Variants in ITGA11 observed in about 807,000 individuals in gnomAD.
ITGA11 encodes the protein integrin alpha-11.
A neutral mutation model predicts 141.9 loss-of-function variants in ITGA11; 97 were observed. The observed-to-expected ratio is 0.68, with a 90% CI of 0.58 to 0.81. ITGA11 has a LOEUF of 0.81. ITGA11 is among the 30% of genes least tolerant of loss of function. The probability of loss-of-function intolerance (pLI) is 0.00; values close to 1 mark genes in which losing one functional copy is unlikely to be tolerated. For missense variants in ITGA11, 1,387 were observed against 1,559.2 expected (o/e 0.89, Z 1.86); for synonymous variants, 658 against 624.6 (o/e 1.05, Z -0.80).
At position 68,308,568 on chromosome 15, in the gene ITGA11, C is replaced by T. The variant is rs1301240725; in HGVS notation, c.3175-872G>A. Among the ~76,000 whole-genome samples the T allele has an allele frequency of 2.0e-5, 3 of 151,984 alleles. No homozygotes were observed. The highest frequency in any genetic ancestry group is 6.6e-5 in the Admixed American group (1 of 15,242). On this transcript the variant is annotated intron_variant, in intron 26 of 29. Transcript: ENST00000315757. The surrounding 1 kb of genome is among the most constrained non-coding windows in gnomAD (Gnocchi z 5.2). ...CATCCTGGCTAACACAGTGAAACCC[C>T]GTCTCTATTAAAAAAATACAAAAAA...
At chr15:68,419,026 A>G (rs1896955671) in intron 1 of ITGA11, among the ~76,000 whole-genome samples, 1 of 152,064 alleles carries the variant, frequency 6.6e-6, no homozygotes, top group Non-Finnish European at 1.5e-5. Context: ...GCAAACTAAA[A>G]AAAGGAATTG....
At chr15:68,364,846 T>C in intron 3 of ITGA11, 48 bp from the exon 4 acceptor site, 1 of 1,555,288 alleles carries the variant, frequency 6.4e-7, no homozygotes, top group Non-Finnish European at 8.9e-7. Flanking sequence ...CTGCCCGCCC[T>C]CTGCCCAGAG....
chr15:68,387,838 G>A (rs28632038), intron 2 of ITGA11, among the ~76,000 whole-genome samples: 12,128 of 151,870 alleles, frequency 0.08, 949 homozygotes, highest in African/African-American at 0.2. Flanking sequence ...TTCTGCCCCC[G>A]GACACAGCAC....
intron 1 of ITGA11, among the ~76,000 whole-genome samples, chr15:68,431,223 G>A (rs1897262829): frequency 6.6e-6 from 1 of 152,234 alleles, no homozygotes; most frequent in South Asian, 2.1e-4. Context: ...GCGCCCCTCG[G>A]GCCGGAGGTT....
At position 68,311,054 on chromosome 15, in the gene ITGA11, G is replaced by A. The variant is rs201394870; in HGVS notation, c.3114C>T (p.Gly1038=). The A allele has an allele frequency of 2.5e-6, 4 of 1,608,108 alleles. No homozygotes were observed. Among genetic ancestry groups the A allele is most frequent in the Non-Finnish European group, 8.5e-7 (1 of 1,177,240 alleles). Residue 1038 remains glycine, a synonymous_variant, in exon 26 of 30, where the codon GGC becomes GGT. Coordinates refer to ENST00000315757, the MANE Select transcript of ITGA11 (RefSeq NM_001004439.2). The part of the protein sequence containing the change: ...DEANTSCNIW[G]NSTEYRPTPV... ...GGGTGGGCCGGTACTCAGTGCTATT[G>A]CCCCAGATGTTACAGGACGTGTTCG...
At chr15:68,364,909 G>C (rs1895369166) in intron 3 of ITGA11, 111 bp from the exon 4 acceptor site, 1 of 1,052,392 alleles carries the variant, frequency 9.5e-7, no homozygotes, top group Admixed American at 2.0e-5. Flanking sequence ...CCTGACCCTG[G>C]GGACCTCTGG....
chr15:68,303,075 G>T lies in ITGA11; in HGVS notation c.3551C>A (p.Pro1184His), dbSNP rs996887406. Residue 1184 changes from proline to histidine, a missense_variant, in exon 30 of 30, where the codon CCC (proline) becomes CAC (histidine). Transcript: ENST00000315757. The surrounding 1 kb of genome is among the most constrained non-coding windows in gnomAD (Gnocchi z 5.3). ...RRREPGLDPT[P>H]KVLE is the part of the protein sequence containing the mutation. The stretch of plus-strand genomic sequence containing the variant: ...TCTGGAGCCTCACTCCAGCACTTTG[G>T]GGGTGGGGTCCAGACCAGGCTCCCT... 1.3e-6 allele frequency: 2 copies of T among 1,550,128 alleles called. No homozygotes were observed. Among genetic ancestry groups the T allele is most frequent in the South Asian group, 1.2e-5 (1 of 83,928 alleles).
At position 68,326,718 on chromosome 15, in the gene ITGA11, G is replaced by T. The variant is rs903934215; in HGVS notation, c.2147C>A (p.Thr716Asn). 2 of 1,585,380 alleles carry T rather than the reference G, an allele frequency of 1.3e-6. No individual in the cohort carries two copies. ...AHLDEGGDRF[T>N]NRAVLLSSGQ... ...GGAGGAGAGCAGTACGGCTCTGTTG[G>T]TGAATCGGTCCCCGCCCTCGTCCAG... The change falls in exon 17 of 30, where the codon ACC becomes AAC. Residue 716 changes from threonine to asparagine, a missense_variant. Thr to Asn is a moderately conservative substitution (Grantham distance 65, BLOSUM62 0). Coordinates refer to ENST00000315757, the MANE Select transcript of ITGA11 (RefSeq NM_001004439.2). The surrounding 1 kb of genome is among the most constrained non-coding windows in gnomAD (Gnocchi z 6.8).
Position 68,303,811 on chromosome 15 carries a change from GC to G in ITGA11, c.3455del (p.Gly1152AlafsTer46). 1.2e-6 allele frequency: 2 copies of G among 1,612,900 alleles called. No homozygotes were observed. Among genetic ancestry groups the G allele is most frequent in the East Asian group, 2.2e-5 (1 of 44,810 alleles). Reference protein sequence around the residue: ...IWIIVGSTLGGLLLLALLVLA... With the variant: ...IWIIVGSTLGXLLLLALLVLA... ...GGACCAGCAGGGCCAGCAGTAGGAG[GC>G]CCCCCAGGGTGCTGCCTACAATGAT... On this transcript the variant is annotated frameshift_variant, in exon 29 of 30. Transcript: ENST00000315757. LOFTEE classifies it high-confidence loss of function. The surrounding 1 kb of genome is among the most constrained non-coding windows in gnomAD (Gnocchi z 5.3).
In ITGA11 at chr15:68,300,378, A is replaced by T. The variant is rs1381699359; in HGVS notation, c.*2681T>A. 5 of 152,234 alleles carry T rather than the reference A, an allele frequency of 3.3e-5. No individual in the cohort carries two copies. The highest frequency in any genetic ancestry group is 9.6e-5 in the African/African-American group (4 of 41,468). 9.4% of individuals were successfully genotyped at this position (152,234 alleles called of 1,614,324 possible). A position where few individuals can be genotyped will look rare whatever the true frequency, so the allele number is the denominator to read the frequency against. ...TCTCAGCCATTAGAGTCATCTGGGG[A>T]AGTTGGAAACAAACTTGGCCCCTCT... is the stretch of plus-strand genomic sequence containing the variant. On this transcript the variant is annotated 3_prime_UTR_variant, in exon 30 of 30. Transcript: ENST00000315757.
chr15:68,361,141 G>A (rs1895231034), intron 5 of ITGA11, among the ~76,000 whole-genome samples: 2 of 152,130 alleles, frequency 1.3e-5, no homozygotes, highest in African/African-American at 4.8e-5. Context: ...TGATTTGGTG[G>A]AACTACTACC....
At chr15:68,330,842 G>C in intron 15 of ITGA11, 139 bp downstream of exon 15, 1 of 891,674 alleles carries the variant, frequency 1.1e-6, no homozygotes. Flanking sequence ...GTGTAAGCAA[G>C]ATGGGATAAG....
intron 1 of ITGA11, among the ~76,000 whole-genome samples, chr15:68,405,020 G>T (rs1009240878): frequency 6.6e-6 from 1 of 152,218 alleles, no homozygotes; most frequent in African/African-American, 2.4e-5. Flanking sequence ...TGAATTTGAG[G>T]CTTGGACCCG....
chr15:68,425,331 A>C (rs1218989438), intron 1 of ITGA11, among the ~76,000 whole-genome samples: 1 of 152,204 alleles, frequency 6.6e-6, no homozygotes, highest in African/African-American at 2.4e-5. Flanking sequence ...TTTTAAAACA[A>C]GGGGTCTCAC....
In ITGA11 at chr15:68,303,708, G is replaced by C; in HGVS notation, c.3495+64C>G. The C allele has an allele frequency of 8.5e-7, 1 of 1,178,522 alleles. No homozygotes were observed. Among genetic ancestry groups the C allele is most frequent in the Non-Finnish European group, 1.2e-6 (1 of 808,910 alleles). 73.0% of individuals were successfully genotyped at this position (1,178,522 alleles called of 1,614,324 possible). On this transcript the variant is annotated intron_variant, in intron 29 of 29. Coordinates refer to ENST00000315757, the MANE Select transcript of ITGA11 (RefSeq NM_001004439.2). This position sits in a 1 kb window ranked among gnomAD's most constrained non-coding sequence, Gnocchi z 5.3. Reference sequence around the variant, plus strand: ...ACGTGGCAGCGGCCACGAAGTTCCAGGGGCTGGAGCCTGGGCCCACCAGCC... The same window carrying C: ...ACGTGGCAGCGGCCACGAAGTTCCACGGGCTGGAGCCTGGGCCCACCAGCC...
intron 4 of ITGA11, among the ~76,000 whole-genome samples, chr15:68,363,464 C>A (rs1236917501): frequency 6.6e-6 from 1 of 152,194 alleles, no homozygotes; most frequent in Non-Finnish European, 1.5e-5. Flanking sequence ...TACATCAAGG[C>A]ACCTCATGAC....
intron 6 of ITGA11, among the ~76,000 whole-genome samples, chr15:68,357,676 C>G (rs755224656): frequency 1.3e-5 from 2 of 151,406 alleles, no homozygotes; most frequent in Non-Finnish European, 2.9e-5. Context: ...AACTGAGGTT[C>G]CTTAAAACTT....
rs1278285810 is a variant in ITGA11, at chr15:68,412,735, G to A, written c.53-9706C>T. ...CTGTCACCCAGACTGGAGTACAATG[G>A]TGTAATCTCGGCTCACTGCAACCTC... is the stretch of plus-strand genomic sequence containing the variant. On this transcript the variant is annotated intron_variant, in intron 1 of 29. Coordinates refer to ENST00000315757, the MANE Select transcript of ITGA11 (RefSeq NM_001004439.2). Among the ~76,000 whole-genome samples, 4 of 136,214 alleles carry A rather than the reference G, an allele frequency of 2.9e-5. No individual in the cohort carries two copies. In the Admixed American group the frequency reaches 3.3e-4, roughly 11 times the overall value. The allele number at this position is 136,214 out of a possible 152,430, so 89.4% of individuals were successfully genotyped here.
At chr15:68,309,709 C>T (rs1893316285) in intron 26 of ITGA11, among the ~76,000 whole-genome samples, 1 of 151,320 alleles carries the variant, frequency 6.6e-6, no homozygotes, top group South Asian at 2.1e-4. Context: ...ATTCTCTTGC[C>T]CAGCCCGAGT....
Sources: allele counts gnomAD v4.1 joint callset (sites outside exome capture counted in the v4.1 genomes callset), GRCh38; gene constraint gnomAD v4.1.1; non-coding constraint Gnocchi (gnomAD v3.1); transcripts MANE v1.5; gene names NCBI Gene and HGNC (gene_info 2026-07-23, HGNC 2026-07-21).